The following ZNRF3 variants were observed in gnomAD, a reference collection of about 807,000 sequenced individuals.
ZNRF3 encodes the protein E3 ubiquitin-protein ligase ZNRF3.
ZNRF3 carries 23 observed loss-of-function variants against 72.5 expected under a neutral mutation model. The ratio of observed to expected loss-of-function variants is 0.32; its 90% CI spans 0.23 to 0.45. The LOEUF is 0.45. ZNRF3 is among the 20% of genes least tolerant of loss of function. The pLI is 1.00. For missense variants in ZNRF3, 1,169 were observed against 1,272.1 expected, an observed-to-expected ratio of 0.92 and a Z score of 1.23; for synonymous variants, 610 against 545.3, an observed-to-expected ratio of 1.12 and a Z score of -1.65.
At chr22:28,975,623 GCTC>G (rs1349856484) in intron 1 of ZNRF3, among the ~76,000 whole-genome samples, 5 of 151,980 alleles carry the variant, frequency 3.3e-5, no homozygotes, top group Admixed American at 1.3e-4. Context: ...TGTAATCCGA[GCTC>G]CTTGGGAGGC....
intron 1 of ZNRF3, among the ~76,000 whole-genome samples, chr22:28,884,705 G>C (rs2033742597): frequency 6.6e-6 from 1 of 152,198 alleles, no homozygotes; most frequent in South Asian, 2.1e-4. Context: ...CATTACAGAG[G>C]GTGGGAGGGA....
intron 1 of ZNRF3, among the ~76,000 whole-genome samples, chr22:28,928,311 T>A (rs556758742): frequency 2.7e-4 from 41 of 152,252 alleles, no homozygotes; most frequent in Non-Finnish European, 5.1e-4. Flanking sequence ...TTTACTCACT[T>A]TTTAAAACCA....
intron 1 of ZNRF3, among the ~76,000 whole-genome samples, chr22:28,960,581 G>T (rs1208268657): frequency 6.6e-6 from 1 of 152,200 alleles, no homozygotes; most frequent in East Asian, 1.9e-4. Context: ...AAATCCTGTA[G>T]CTCTTGGGTC....
At chr22:29,010,925 T>G (rs2036337056) in intron 2 of ZNRF3, among the ~76,000 whole-genome samples, 1 of 152,178 alleles carries the variant, frequency 6.6e-6, no homozygotes, top group Non-Finnish European at 1.5e-5. Context: ...CGCCTCAGCC[T>G]CCCAGAGTGC....
intron 1 of ZNRF3, among the ~76,000 whole-genome samples, chr22:28,914,036 CATG>C (rs2034366512): frequency 6.6e-6 from 1 of 152,186 alleles, no homozygotes; most frequent in Admixed American, 6.5e-5. Context: ...GGATGAAATG[CATG>C]ATAAGAACTC....
chr22:28,912,591 C>T (rs192275040), intron 1 of ZNRF3, among the ~76,000 whole-genome samples: 8 of 151,916 alleles, frequency 5.3e-5, no homozygotes, highest in Non-Finnish European at 1.2e-4. Flanking sequence ...GGAGAATTGC[C>T]ACTCTCCAGT....
chr22:29,009,640 C>G (rs1339936555), intron 2 of ZNRF3, among the ~76,000 whole-genome samples: 1 of 151,874 alleles, frequency 6.6e-6, no homozygotes, highest in African/African-American at 2.4e-5. Flanking sequence ...ACTTAAAATC[C>G]AAGAAGATTT....
chr22:29,052,574 T>G (rs2037225508), intron 8 of ZNRF3, among the ~76,000 whole-genome samples: 1 of 152,010 alleles, frequency 6.6e-6, no homozygotes, highest in Admixed American at 6.5e-5. Flanking sequence ...GTGCCTGTAG[T>G]TCTACCTACT....
chr22:28,949,441 AT>A (rs954817079), intron 1 of ZNRF3, among the ~76,000 whole-genome samples: 2 of 150,796 alleles, frequency 1.3e-5, no homozygotes, highest in African/African-American at 4.9e-5. Flanking sequence ...GACCAGCTAT[AT>A]TTTTTTATTT....
chr22:28,904,691 T>G (rs2034172169), intron 1 of ZNRF3, among the ~76,000 whole-genome samples: 1 of 152,174 alleles, frequency 6.6e-6, no homozygotes, highest in African/African-American at 2.4e-5. Flanking sequence ...TTTGTTTCCT[T>G]TGCAGCTTTG....
intron 1 of ZNRF3, among the ~76,000 whole-genome samples, chr22:28,886,988 G>A (rs1427043681): frequency 1.3e-5 from 2 of 152,080 alleles, no homozygotes; most frequent in Non-Finnish European, 2.9e-5. Flanking sequence ...ACTGTGATTT[G>A]CTGCTTAGTG....
intron 1 of ZNRF3, chr22:28,917,438 T>C: frequency 3.0e-6 from 3 of 985,444 alleles, no homozygotes; most frequent in Non-Finnish European, 3.6e-6. Flanking sequence ...TCCTGTGTGG[T>C]GTCCACTTAA....
intron 1 of ZNRF3, among the ~76,000 whole-genome samples, chr22:28,922,123 C>G (rs942026126): frequency 6.6e-6 from 1 of 152,162 alleles, no homozygotes; most frequent in African/African-American, 2.4e-5. Flanking sequence ...CTCTTAAGTA[C>G]TTATGTGTGG....
At chr22:28,968,759 A>G (rs2035519834) in intron 1 of ZNRF3, among the ~76,000 whole-genome samples, 1 of 152,204 alleles carries the variant, frequency 6.6e-6, no homozygotes, top group African/African-American at 2.4e-5. Flanking sequence ...TTAATCTCAA[A>G]TAAATTAACC....
chr22:28,934,217 A>G (rs772291937), intron 1 of ZNRF3, among the ~76,000 whole-genome samples: 3 of 152,126 alleles, frequency 2.0e-5, no homozygotes, highest in South Asian at 2.1e-4. Context: ...TTCTCAGCCT[A>G]GAGGGCCCCA....
intron 2 of ZNRF3, among the ~76,000 whole-genome samples, chr22:28,993,763 GC>G (rs759180893): frequency 3.3e-5 from 5 of 151,928 alleles, no homozygotes; most frequent in Non-Finnish European, 5.9e-5. Flanking sequence ...GCTCACTTCA[GC>G]CTCAAACTCC....
In ZNRF3 at chr22:29,050,816, G is replaced by C; in HGVS notation, c.2635G>C (p.Ala879Pro). 2 of 1,607,660 alleles carry C rather than the reference G, an allele frequency of 1.2e-6. No individual in the cohort carries two copies. Residue 879 changes from alanine to proline, a missense_variant, in exon 8 of 9, where the codon GCT (alanine) becomes CCT (proline). By Grantham distance (27) the Ala-to-Pro change is conservative. Transcript: ENST00000544604. The stretch of plus-strand genomic sequence containing the variant: ...GGGAGCAACCCGGGAAGAGGAGCGG[G>C]CTCTGTGCTGCCAGGCTAGGGCCCT... ...GLGATREEER[A>P]LCCQARALLR...
At chr22:29,046,268 C>T (rs1268389524) in intron 5 of ZNRF3, among the ~76,000 whole-genome samples, 2 of 152,144 alleles carry the variant, frequency 1.3e-5, no homozygotes, top group South Asian at 2.1e-4. Flanking sequence ...GAGGGTTGAG[C>T]GACCACCCCC....
chr22:28,982,647 C>T (rs1304309707), intron 1 of ZNRF3, among the ~76,000 whole-genome samples: 1 of 151,626 alleles, frequency 6.6e-6, no homozygotes, highest in African/African-American at 2.4e-5. Context: ...CCATAAAATG[C>T]AAATGAAATG....
Sources: allele counts gnomAD v4.1 joint callset (sites outside exome capture counted in the v4.1 genomes callset), GRCh38; gene constraint gnomAD v4.1.1; transcripts MANE v1.5; gene names NCBI Gene and HGNC (gene_info 2026-07-23, HGNC 2026-07-21).